ALDH1L1: variants seen among roughly 807,000 people sequenced by gnomAD.
ALDH1L1 encodes the protein aldehyde dehydrogenase 1 family member L1, also known as cytosolic 10-formyltetrahydrofolate dehydrogenase.
A neutral mutation model predicts 101.1 loss-of-function variants in ALDH1L1; 68 were observed. The ratio of observed to expected loss-of-function variants is 0.67; its 90% CI spans 0.55 to 0.82. ALDH1L1 has a LOEUF of 0.82. Among genes scored for constraint, ALDH1L1 ranks in the 40% least tolerant of loss-of-function variants. ALDH1L1 has a pLI of 0.00. For synonymous variants in ALDH1L1, 486 were observed against 470.8 expected, an observed-to-expected ratio of 1.03 and a Z score of -0.42; for missense variants, 1,087 against 1,172.7, an observed-to-expected ratio of 0.93 and a Z score of 1.07.
At chr3:126,154,791 C>T in intron 5 of ALDH1L1, 148 bp from the exon 6 acceptor site, 5 of 676,768 alleles carry the variant, frequency 7.4e-6, no homozygotes, top group South Asian at 3.6e-5. Context: ...TGAGCTGGTG[C>T]CCCTAGTTCT....
intron 1 of ALDH1L1, among the ~76,000 whole-genome samples, chr3:126,177,589 T>C (rs1344883789): frequency 6.6e-6 from 1 of 150,816 alleles, no homozygotes; most frequent in Non-Finnish European, 1.5e-5. Context: ...CACAGGAGAG[T>C]TTTAGGGCAG....
In ALDH1L1 at chr3:126,135,555, G is replaced by C; in HGVS notation, c.1452C>G (p.Asp484Glu). ...CCCACCTGTACATCAGCCGGCCCCG[G>C]TCCCGCGCACTGATCTTCCCCCACC... ...NGRWGKISAR[D>E]RGRLMYRLAD... is the part of the protein sequence containing the mutation. The change falls in exon 12 of 23, where the codon GAC becomes GAG. Residue 484 changes from aspartate (D) to glutamate (E), a missense_variant. By Grantham distance (45) the Asp-to-Glu change is conservative. Around this residue, in one of 2 missense-constraint regions of ALDH1L1, gnomAD observed 645 missense variants for 637.0 expected, o/e 1.01. Coordinates refer to ENST00000393434, the MANE Select transcript of ALDH1L1 (RefSeq NM_012190.4). The C allele has an allele frequency of 6.2e-7, 1 of 1,608,782 alleles. No individual in the cohort carries two copies. The highest frequency in any genetic ancestry group is 8.5e-7 in the Non-Finnish European group (1 of 1,178,224).
intron 1 of ALDH1L1, 100 bp from the exon 2 acceptor site, chr3:126,161,102 A>T: frequency 1.4e-6 from 2 of 1,379,614 alleles, no homozygotes; most frequent in East Asian, 2.5e-5. Context: ...GGCCTGCTCT[A>T]CCCCAGTCCC....
Position 126,103,820 on chromosome 3 carries a change from G to T in ALDH1L1, c.2680C>A (p.Arg894=), listed in dbSNP as rs1247331431. ...LGEAALNEYL[R]VKTVTFEY ...TATTCGAAGGTCACTGTCTTGACCC[G>T]CAGGTACTCGTTCAGAGCCGCCTCT... The change falls in exon 23 of 23, where the codon CGG becomes AGG. Residue 894 remains arginine, a synonymous_variant. Coordinates refer to ENST00000393434, the MANE Select transcript of ALDH1L1 (RefSeq NM_012190.4). 3 of 1,613,570 alleles carry T rather than the reference G, an allele frequency of 1.9e-6. No homozygotes were observed. Among genetic ancestry groups the T allele is most frequent in the Non-Finnish European group, 2.5e-6 (3 of 1,179,802 alleles).
At chr3:126,109,836 G>T (rs559453611) in intron 20 of ALDH1L1, 108 bp downstream of exon 20, 2 of 1,479,960 alleles carry the variant, frequency 1.4e-6, no homozygotes, top group Admixed American at 1.8e-5. Flanking sequence ...GCCTGACTGT[G>T]TAGGTACCTG....
chr3:126,127,444 GC>G (rs912086414), intron 14 of ALDH1L1, among the ~76,000 whole-genome samples: 4 of 152,270 alleles, frequency 2.6e-5, no homozygotes. Context: ...GCGGCCCTGA[GC>G]CCCCTCCTCT....
upstream of ALDH1L1, chr3:126,180,976 G>C: frequency 6.2e-7 from 1 of 1,610,448 alleles, no homozygotes; most frequent in Admixed American, 1.7e-5. Context: ...CATGTGCTAC[G>C]GACACAGCAG....
intron 12 of ALDH1L1, among the ~76,000 whole-genome samples, chr3:126,134,805 G>A (rs751912149): frequency 6.6e-6 from 1 of 152,132 alleles, no homozygotes; most frequent in Admixed American, 6.5e-5. Flanking sequence ...GGACCCCAGC[G>A]AAAGAGCCAG....
intron 15 of ALDH1L1, among the ~76,000 whole-genome samples, chr3:126,125,068 A>G (rs7619860): frequency 0.67 from 101,079 of 151,960 alleles, 35,190 homozygotes; most frequent in African/African-American, 0.9. Context: ...CTCACTGGGT[A>G]TGTCCTCACT....
At chr3:126,176,272 A>C (rs1258636332) in intron 1 of ALDH1L1, among the ~76,000 whole-genome samples, 1 of 152,172 alleles carries the variant, frequency 6.6e-6, no homozygotes, top group Non-Finnish European at 1.5e-5. Flanking sequence ...CTTTATCTAT[A>C]GATTCAATGC....
intron 9 of ALDH1L1, among the ~76,000 whole-genome samples, chr3:126,140,156 A>T (rs1380287142): frequency 6.6e-6 from 1 of 152,178 alleles, no homozygotes; most frequent in Non-Finnish European, 1.5e-5. Context: ...TTTGGAGAGT[A>T]GCAAGAGAGA....
intron 16 of ALDH1L1, among the ~76,000 whole-genome samples, chr3:126,119,653 T>C (rs948930964): frequency 2.0e-5 from 3 of 152,154 alleles, no homozygotes; most frequent in African/African-American, 7.2e-5. Context: ...GCTCTACCAG[T>C]GATTTTGATA....
rs141454287 is a variant in ALDH1L1 at position 126,164,364 on chromosome 3, T to C, written c.-23-3362A>G. On this transcript the variant is annotated intron_variant, in intron 1 of 22. Coordinates refer to ENST00000393434, the MANE Select transcript of ALDH1L1 (RefSeq NM_012190.4). ...GTAAGCACAGTACCCAACGGAGTTTTTTCAACCCATTCCCGTACTCCCTCT... is the reference window on the plus strand; with the variant it reads ...GTAAGCACAGTACCCAACGGAGTTTCTTCAACCCATTCCCGTACTCCCTCT... 2.0e-3 allele frequency among the ~76,000 whole-genome samples: 299 copies of C among 152,300 alleles called. 1 individual carries two copies. The highest frequency in any genetic ancestry group is 6.6e-3 in the African/African-American group (273 of 41,570).
At chr3:126,130,684 C>T (rs2080283011) in intron 13 of ALDH1L1, among the ~76,000 whole-genome samples, 1 of 152,154 alleles carries the variant, frequency 6.6e-6, no homozygotes, top group Non-Finnish European at 1.5e-5. Flanking sequence ...GGGGCGGGCA[C>T]CAGGCAGCCC....
chr3:126,163,340 C>T (rs1292707478), intron 1 of ALDH1L1, among the ~76,000 whole-genome samples: 1 of 152,176 alleles, frequency 6.6e-6, no homozygotes, highest in Non-Finnish European at 1.5e-5. Flanking sequence ...AATTTTCATA[C>T]TGTGTAGATT....
At chr3:126,190,099 A>G (rs993084582) in intron 1 of ALDH1L1, among the ~76,000 whole-genome samples, 1 of 152,228 alleles carries the variant, frequency 6.6e-6, no homozygotes, top group African/African-American at 2.4e-5. Context: ...TTCTAATAAC[A>G]TATTAGCAAC....
intron 1 of ALDH1L1, among the ~76,000 whole-genome samples, chr3:126,171,741 G>A (rs1410630686): frequency 7.2e-5 from 11 of 152,126 alleles, no homozygotes; most frequent in Admixed American, 5.9e-4. Context: ...CCTAAGTGAT[G>A]AGGAAAAACC....
chr3:126,186,598 G>C (rs530815406), intron 1 of ALDH1L1, among the ~76,000 whole-genome samples: 2 of 151,928 alleles, frequency 1.3e-5, no homozygotes, highest in Non-Finnish European at 1.5e-5. Context: ...TGGGAGATGC[G>C]GCAACTGTGA....
chr3:126,145,665 G>A (rs760584563), intron 9 of ALDH1L1, among the ~76,000 whole-genome samples: 1 of 152,198 alleles, frequency 6.6e-6, no homozygotes, highest in East Asian at 1.9e-4. Flanking sequence ...GGCTGTTGCT[G>A]GGGCTAGGGA....
Sources: allele counts gnomAD v4.1 joint callset (sites outside exome capture counted in the v4.1 genomes callset), GRCh38; gene constraint gnomAD v4.1.1; regional missense constraint gnomAD v4.1.1; transcripts MANE v1.5; gene names NCBI Gene and HGNC (gene_info 2026-07-23, HGNC 2026-07-21).